The following RASGEF1C variants were observed in gnomAD, a reference collection of about 807,000 sequenced individuals.
RASGEF1C encodes the protein RasGEF domain family member 1C, also known as ras-GEF domain-containing family member 1C.
RASGEF1C carries 27 observed loss-of-function variants against 58.1 expected under a neutral mutation model. That is an observed-to-expected ratio of 0.46 (90% confidence interval 0.34 to 0.64). RASGEF1C has a LOEUF of 0.64. RASGEF1C is among the 30% of genes least tolerant of loss of function. RASGEF1C has a pLI of 0.01. For synonymous variants in RASGEF1C, 243 were observed against 246.3 expected, an observed-to-expected ratio of 0.99 and a Z score of 0.13; for missense variants, 502 against 605.1, an observed-to-expected ratio of 0.83 and a Z score of 1.79.
At position 180,198,426 on chromosome 5, in the gene RASGEF1C, A is replaced by C. The variant is rs1756318386; in HGVS notation, c.-7+10602T>G. On this transcript the variant is annotated intron_variant, in intron 1 of 13. Transcript: ENST00000361132. The surrounding 1 kb of genome is among the most constrained non-coding windows in gnomAD (Gnocchi z 4.5). ...TCCCAGAGAGGAAGGAGTGTGTCTT[A>C]GTCTGTTTCTGCTGCTATAACAAAA... 6.6e-6 allele frequency among the ~76,000 whole-genome samples: 1 copy of C among 152,194 alleles called. No homozygotes were observed. Among genetic ancestry groups the C allele is most frequent in the African/African-American group, 2.4e-5 (1 of 41,444 alleles).
chr5:180,205,145 C>T (rs1756466670), intron 1 of RASGEF1C, among the ~76,000 whole-genome samples: 3 of 151,998 alleles, frequency 2.0e-5, no homozygotes, highest in South Asian at 2.1e-4. Flanking sequence ...GCAGAGATCA[C>T]GCTACTGCAT....
intron 12 of RASGEF1C, among the ~76,000 whole-genome samples, chr5:180,104,033 A>G (rs1237024656): frequency 1.3e-5 from 2 of 152,206 alleles, no homozygotes; most frequent in Non-Finnish European, 2.9e-5. Context: ...CCACTTAGTC[A>G]TGACGTATAA....
chr5:180,207,600 G>T (rs917646808), intron 1 of RASGEF1C, among the ~76,000 whole-genome samples: 1 of 152,088 alleles, frequency 6.6e-6, no homozygotes, highest in Non-Finnish European at 1.5e-5. Context: ...CGCCAGTCCC[G>T]CCCTGGGCTC....
chr5:180,157,180 T>C (rs927070378), intron 1 of RASGEF1C, among the ~76,000 whole-genome samples: 1 of 152,120 alleles, frequency 6.6e-6, no homozygotes, highest in African/African-American at 2.4e-5. Flanking sequence ...CCCAAAAGAG[T>C]TGAAAATTTA....
chr5:180,174,547 T>C lies in RASGEF1C; in HGVS notation c.-7+34481A>G, dbSNP rs1767184336. On this transcript the variant is annotated intron_variant, in intron 1 of 13. Coordinates refer to ENST00000361132, the MANE Select transcript of RASGEF1C (RefSeq NM_175062.4). ...ACGTGTGTCTCTGTGTGTGCGTGTGTGCGTGTGTCTGTGTGTGCACGTGTG... is the reference window on the plus strand; with the variant it reads ...ACGTGTGTCTCTGTGTGTGCGTGTGCGCGTGTGTCTGTGTGTGCACGTGTG... 2.4e-5 allele frequency among the ~76,000 whole-genome samples: 3 copies of C among 125,232 alleles called. No homozygotes were observed. The South Asian group carries it at 7.1e-4, about 30-fold the overall frequency. The allele number at this position is 125,232 out of a possible 152,430, so 82.2% of individuals were successfully genotyped here.
intron 10 of RASGEF1C, among the ~76,000 whole-genome samples, chr5:180,116,617 C>A (rs998186270): frequency 1.3e-5 from 2 of 152,244 alleles, no homozygotes; most frequent in Non-Finnish European, 2.9e-5. Flanking sequence ...GCACCCAGAG[C>A]TGGAAGGGGC....
At chr5:180,167,734 C>T (rs1372598291) in intron 1 of RASGEF1C, among the ~76,000 whole-genome samples, 3 of 152,200 alleles carry the variant, frequency 2.0e-5, no homozygotes, top group Non-Finnish European at 4.4e-5. Flanking sequence ...TGCTCATTAT[C>T]TTTTCCTGTG....
chr5:180,102,489 TCTTG>T (rs1017925072), intron 12 of RASGEF1C, among the ~76,000 whole-genome samples: 3 of 152,234 alleles, frequency 2.0e-5, no homozygotes, highest in African/African-American at 7.2e-5. Context: ...GAGGGTTATC[TCTTG>T]CTTTTCCCTG....
intron 1 of RASGEF1C, among the ~76,000 whole-genome samples, chr5:180,190,570 T>C (rs1025190927): frequency 8.3e-6 from 1 of 120,534 alleles, no homozygotes; most frequent in Non-Finnish European, 2.0e-5. Flanking sequence ...CCCCAACTAC[T>C]TGGGGGGCTG....
At chr5:180,113,394 AGGGACCG>A (rs1203059898) in intron 11 of RASGEF1C, among the ~76,000 whole-genome samples, 1 of 56,236 alleles carries the variant, frequency 1.8e-5, no homozygotes, top group Non-Finnish European at 3.7e-5. Flanking sequence ...GGATGGACGG[AGGGACCG>A]GGGATGGACG....
At chr5:180,113,494 C>T (rs376040693) in intron 11 of RASGEF1C, among the ~76,000 whole-genome samples, 2 of 30,904 alleles carry the variant, frequency 6.5e-5, no homozygotes, top group East Asian at 1.1e-3. Flanking sequence ...GACGGAGGGA[C>T]CGGGGATGGA....
In RASGEF1C at chr5:180,198,090, C is replaced by G. The variant is rs552906625; in HGVS notation, c.-7+10938G>C. On this transcript the variant is annotated intron_variant, in intron 1 of 13. Transcript: ENST00000361132. This position sits in a 1 kb window ranked among gnomAD's most constrained non-coding sequence, Gnocchi z 4.5. ...TCACAGATGAGTCTGTAGGACGCTT[C>G]CTGGACAGGCTTATGGGGCGTGGCA... Among the ~76,000 whole-genome samples the G allele has an allele frequency of 1.3e-5, 2 of 152,204 alleles. No individual in the cohort carries two copies. The highest frequency in any genetic ancestry group is 2.9e-5 in the Non-Finnish European group (2 of 68,034).
At chr5:180,111,113 G>A (rs954647579) in intron 12 of RASGEF1C, among the ~76,000 whole-genome samples, 2 of 152,086 alleles carry the variant, frequency 1.3e-5, no homozygotes, top group African/African-American at 2.4e-5. Context: ...TGTGCCTGGC[G>A]AGGGTGATTC....
In RASGEF1C at chr5:180,137,824, C is replaced by T. The variant is rs931183005; in HGVS notation, c.177+52G>A. On this transcript the variant is annotated intron_variant, in intron 2 of 13. Coordinates refer to ENST00000361132, the MANE Select transcript of RASGEF1C (RefSeq NM_175062.4). The surrounding 1 kb of genome is among the most constrained non-coding windows in gnomAD (Gnocchi z 4.1). ...GGTCACGCCCAACCCTGATGCCCCCCGTGCGTGGTGGAGGAGAGCCCACTC... is the reference window on the plus strand; with the variant it reads ...GGTCACGCCCAACCCTGATGCCCCCTGTGCGTGGTGGAGGAGAGCCCACTC... 8 of 1,602,596 alleles carry T rather than the reference C, an allele frequency of 5.0e-6. No individual in the cohort carries two copies. The highest frequency in any genetic ancestry group is 2.2e-5 in the East Asian group (1 of 44,600).
In RASGEF1C at chr5:180,101,382, G is replaced by T; in HGVS notation, c.*119C>A. ...GGGGGGGGGCGGGCAGCAGGCCACAGGGTCGGCATTTGCAAAATAGTGAGG... is the reference window on the plus strand; with the variant it reads ...GGGGGGGGGCGGGCAGCAGGCCACATGGTCGGCATTTGCAAAATAGTGAGG... On this transcript the variant is annotated 3_prime_UTR_variant, in exon 14 of 14. Coordinates refer to ENST00000361132, the MANE Select transcript of RASGEF1C (RefSeq NM_175062.4). 8.3e-7 allele frequency: 1 copy of T among 1,202,808 alleles called. No individual in the cohort carries two copies. Among genetic ancestry groups the T allele is most frequent in the Non-Finnish European group, 1.2e-6 (1 of 843,660 alleles). The allele number at this position is 1,202,808 out of a possible 1,614,324, so 74.5% of individuals were successfully genotyped here.
chr5:180,185,353 G>A (rs986195197), intron 1 of RASGEF1C, among the ~76,000 whole-genome samples: 1 of 152,082 alleles, frequency 6.6e-6, no homozygotes, highest in Non-Finnish European at 1.5e-5. Context: ...GGGAGGCTGA[G>A]GTGGGCAGAT....
At chr5:180,175,453 C>T (rs562212089) in intron 1 of RASGEF1C, among the ~76,000 whole-genome samples, 6 of 152,328 alleles carry the variant, frequency 3.9e-5, no homozygotes, top group African/African-American at 1.4e-4. Flanking sequence ...TTGGGCACAC[C>T]TGCCATGTGC....
chr5:180,106,303 C>T (rs894776568), intron 12 of RASGEF1C, among the ~76,000 whole-genome samples: 2 of 152,138 alleles, frequency 1.3e-5, no homozygotes, highest in African/African-American at 4.8e-5. Context: ...GATTTCTGCT[C>T]TTATTTCCAT....
intron 1 of RASGEF1C, among the ~76,000 whole-genome samples, chr5:180,191,796 A>G (rs961638818): frequency 3.3e-5 from 5 of 152,214 alleles, no homozygotes; most frequent in Non-Finnish European, 7.3e-5. Context: ...TAAATGTACC[A>G]TCTCCTAGTT....
Sources: gnomAD v4.1 joint callset for allele counts (sites outside exome capture counted in the v4.1 genomes callset) on GRCh38, gnomAD v4.1.1 for gene constraint, Gnocchi (gnomAD v3.1) non-coding constraint, MANE v1.5 for transcripts, NCBI Gene and HGNC (gene_info 2026-07-23, HGNC 2026-07-21) for gene names.